Variants in CENPP observed in about 807,000 individuals in gnomAD.
CENPP encodes centromere protein P.
In CENPP, 24 loss-of-function variants were observed where a neutral mutation model predicts 35.6. That is an observed-to-expected ratio of 0.67 (90% CI 0.49 to 0.95). The LOEUF is 0.95. CENPP is among the 40% of genes least tolerant of loss of function. CENPP has a pLI of 0.00. For missense variants in CENPP, 332 were observed against 345.3 expected (o/e 0.96, Z 0.31); for synonymous variants, 120 against 125.5 (o/e 0.96, Z 0.29).
intron 5 of CENPP, chr9:92,416,568 G>C: frequency 1.7e-6 from 2 of 1,158,910 alleles, no homozygotes; most frequent in Non-Finnish European, 2.4e-6. Context: ...TTCTTTAAAA[G>C]ATCAGGATTC....
chr9:92,581,934 C>T (rs531627262), intron 5 of CENPP, among the ~76,000 whole-genome samples: 8 of 152,252 alleles, frequency 5.3e-5, no homozygotes, highest in Non-Finnish European at 1.0e-4. Context: ...TTTGTTTAGA[C>T]TTTGATGAGT....
At chr9:92,505,477 A>G in intron 5 of CENPP, 1 of 1,376,866 alleles carries the variant, frequency 7.3e-7, no homozygotes, top group Non-Finnish European at 1.0e-6. Flanking sequence ...ATTTTGTTGT[A>G]GTGTACCATA....
chr9:92,505,443 T>C, intron 5 of CENPP: 2 of 1,157,940 alleles, frequency 1.7e-6, no homozygotes, highest in Non-Finnish European at 2.4e-6. Context: ...GAGTTTAATT[T>C]ACATCACAAT....
intron 5 of CENPP, chr9:92,600,190 C>A: frequency 1.1e-6 from 1 of 938,502 alleles, no homozygotes; most frequent in Non-Finnish European, 1.4e-6. Flanking sequence ...GAGTTCTTTT[C>A]AACCATGTTT....
intron 5 of CENPP, among the ~76,000 whole-genome samples, chr9:92,498,189 G>A (rs904811584): frequency 6.6e-5 from 10 of 152,008 alleles, no homozygotes; most frequent in East Asian, 1.9e-4. Flanking sequence ...ATGGGGATGG[G>A]GAAATATGTA....
At chr9:92,466,423 T>C in intron 5 of CENPP, 2 of 1,611,016 alleles carry the variant, frequency 1.2e-6, no homozygotes, top group Non-Finnish European at 1.7e-6. Flanking sequence ...TTTATTTTCA[T>C]GAATTCTGAG....
chr9:92,405,156 T>G (rs560904678), intron 5 of CENPP, among the ~76,000 whole-genome samples: 1 of 152,228 alleles, frequency 6.6e-6, no homozygotes, highest in African/African-American at 2.4e-5. Flanking sequence ...TGATTTATAG[T>G]TTTTGAGGTT....
intron 5 of CENPP, among the ~76,000 whole-genome samples, chr9:92,440,903 T>A (rs920942063): frequency 1.3e-5 from 2 of 152,200 alleles, no homozygotes; most frequent in Non-Finnish European, 2.9e-5. Flanking sequence ...GTCAATGGGT[T>A]CTTTGAAACT....
intron 5 of CENPP, among the ~76,000 whole-genome samples, chr9:92,492,811 A>G (rs1846210066): frequency 6.6e-6 from 1 of 152,124 alleles, no homozygotes; most frequent in Admixed American, 6.5e-5. Context: ...ACTCAGCCAC[A>G]TATTCCCTGT....
At chr9:92,393,376 A>G (rs1842767703) in intron 5 of CENPP, 2 of 664,456 alleles carry the variant, frequency 3.0e-6, no homozygotes, top group African/African-American at 1.8e-5. Context: ...TAAGAAAGAT[A>G]GTCATGGTAA....
At chr9:92,452,121 A>G (rs1191096856) in intron 5 of CENPP, among the ~76,000 whole-genome samples, 1 of 118,738 alleles carries the variant, frequency 8.4e-6, no homozygotes, top group Non-Finnish European at 1.7e-5. Context: ...CCTGGCCAGA[A>G]CTTCCAACAC....
At chr9:92,602,001 T>A (rs1038270563) in intron 5 of CENPP, among the ~76,000 whole-genome samples, 4 of 152,094 alleles carry the variant, frequency 2.6e-5, no homozygotes, top group Non-Finnish European at 5.9e-5. Flanking sequence ...GGTTTGTAAA[T>A]ACTGTCAGCT....
intron 5 of CENPP, chr9:92,600,444 A>G (rs1453421541): frequency 1.2e-6 from 2 of 1,612,818 alleles, no homozygotes; most frequent in Middle Eastern, 1.6e-4. Flanking sequence ...TACAAACAAG[A>G]AAAGTTGGGT....
chr9:92,464,550 C>G (rs1216297308), intron 5 of CENPP, among the ~76,000 whole-genome samples: 1 of 152,258 alleles, frequency 6.6e-6, no homozygotes, highest in African/African-American at 2.4e-5. Flanking sequence ...GGCTAAATGC[C>G]TGGGGACAGG....
chr9:92,334,732 TAGC>T (rs1840868563), intron 2 of CENPP, among the ~76,000 whole-genome samples: 1 of 150,458 alleles, frequency 6.6e-6, no homozygotes, highest in Admixed American at 6.6e-5. Flanking sequence ...ATACAACAAT[TAGC>T]TAGGCATGGT....
At chr9:92,519,252 T>C (rs1021888430) in intron 5 of CENPP, among the ~76,000 whole-genome samples, 2 of 152,218 alleles carry the variant, frequency 1.3e-5, no homozygotes, top group Non-Finnish European at 2.9e-5. Context: ...TTCTTCCAGG[T>C]TATCAAAAGC....
Position 92,615,894 on chromosome 9 carries a change from C to T in CENPP, c.*2745C>T, listed in dbSNP as rs148626718. ...TCCTTGAACCGAGTCGACATCACGG[C>T]GTTGTCTTTGGCACGTACAGTCTTT... is the stretch of plus-strand genomic sequence containing the variant. On this transcript the variant is annotated 3_prime_UTR_variant, in exon 8 of 8. Transcript: ENST00000375587. The T allele has an allele frequency of 4.6e-4, 742 of 1,614,184 alleles. 5 individuals carry two copies. In the East Asian group the frequency reaches 0.015, roughly 33 times the overall value.
chr9:92,347,828 C>T (rs776868792), intron 4 of CENPP, among the ~76,000 whole-genome samples: 7 of 152,186 alleles, frequency 4.6e-5, no homozygotes, highest in African/African-American at 9.7e-5. Context: ...TTGTCATACA[C>T]TTTTACATGT....
intron 5 of CENPP, among the ~76,000 whole-genome samples, chr9:92,430,806 TTTG>T (rs1204362490): frequency 6.6e-6 from 1 of 152,130 alleles, no homozygotes. Context: ...TTTTTATTTA[TTTG>T]TTGTTGAGAT....
Sources: allele counts gnomAD v4.1 joint callset (sites outside exome capture counted in the v4.1 genomes callset), GRCh38; gene constraint gnomAD v4.1.1; transcripts MANE v1.5; gene names NCBI Gene and HGNC (gene_info 2026-07-23, HGNC 2026-07-21).